The following GCC2 variants were observed in gnomAD, a reference collection of about 807,000 sequenced individuals.
The protein encoded by GCC2 is GRIP and coiled-coil domain-containing protein 2.
In GCC2, 120 loss-of-function variants were observed where a neutral mutation model predicts 210.6. That is an observed-to-expected ratio of 0.57 (90% CI 0.49 to 0.66). GCC2 has a LOEUF of 0.66. Among genes scored for constraint, GCC2 ranks in the 30% least tolerant of loss-of-function variants. GCC2 has a pLI of 0.00. For missense variants in GCC2, 1,868 were observed against 1,871.9 expected (o/e 1.00, Z 0.04); for synonymous variants, 703 against 652.7 (o/e 1.08, Z -1.17).
Position 108,472,086 on chromosome 2 carries a change from A to G in GCC2, c.2757A>G (p.Arg919=). 6.4e-7 allele frequency: 1 copy of G among 1,560,268 alleles called. No individual in the cohort carries two copies. Among genetic ancestry groups the G allele is most frequent in the Non-Finnish European group, 8.6e-7 (1 of 1,162,158 alleles). The part of the protein sequence containing the change: ...LKPLLEQKEL[R]DRRAELILLK... ...CACTACTAGAACAAAAAGAATTACG[A>G]GATAGGAGAGCAGAGTTGATACTAT... The change falls in exon 6 of 23, where the codon CGA becomes CGG. Residue 919 remains arginine (R), a synonymous_variant. Coordinates refer to ENST00000309863, the MANE Select transcript of GCC2 (RefSeq NM_181453.4).
At chr2:108,452,976 G>A (rs2465955) in intron 4 of GCC2, among the ~76,000 whole-genome samples, 29,511 of 152,122 alleles carry the variant, frequency 0.19, 3,190 homozygotes, top group African/African-American at 0.27. Context: ...ACAGGCGTGA[G>A]CCACCACGCC....
intron 3 of GCC2, among the ~76,000 whole-genome samples, chr2:108,451,906 C>A (rs1230701268): frequency 6.8e-6 from 1 of 147,574 alleles, no homozygotes; most frequent in East Asian, 2.0e-4. Flanking sequence ...TGCAGTGGCG[C>A]AATCTCGGCT....
At chr2:108,483,040 T>G in intron 11 of GCC2, 22 bp from the exon 12 acceptor site, 3 of 1,246,930 alleles carry the variant, frequency 2.4e-6, no homozygotes, top group Non-Finnish European at 2.4e-6. Flanking sequence ...GTGGTGTGGG[T>G]TGTTTTTATT....
At chr2:108,456,837 T>A (rs1428098481) in intron 4 of GCC2, among the ~76,000 whole-genome samples, 1 of 152,050 alleles carries the variant, frequency 6.6e-6, no homozygotes, top group Non-Finnish European at 1.5e-5. Context: ...TAGTCCCATC[T>A]TCTTGGGATG....
chr2:108,498,178 A>ATTTTTTTTTTTTT (rs1682737796), intron 21 of GCC2, among the ~76,000 whole-genome samples: 1 of 64,838 alleles, frequency 1.5e-5, no homozygotes, highest in Non-Finnish European at 3.2e-5. Flanking sequence ...TAAATGTTAT[A>ATTTTTTTTTTTTT]TTTTCTTTTT....
In GCC2 at chr2:108,471,859, A is replaced by T. The variant is rs1387071496; in HGVS notation, c.2530A>T (p.Arg844Trp). Reference protein sequence around the residue: ...RDYEQEKVLLRKELEEIQSEK... With the variant: ...RDYEQEKVLLWKELEEIQSEK... Reference sequence around the variant, plus strand: ...CTATGAGCAAGAGAAAGTTCTCTTAAGGAAAGAGTTAGAAGAAATACAGTC... The same window carrying T: ...CTATGAGCAAGAGAAAGTTCTCTTATGGAAAGAGTTAGAAGAAATACAGTC... Residue 844 changes from arginine to tryptophan, a missense_variant, in exon 6 of 23, where the codon AGG becomes TGG. This residue lies in a region of GCC2 where 1,847 missense variants were observed against 1,765.2 expected (regional missense o/e 1.05). Transcript: ENST00000309863. The T allele has an allele frequency of 6.2e-7, 1 of 1,613,200 alleles. No individual in the cohort carries two copies. The highest frequency in any genetic ancestry group is 1.1e-5 in the South Asian group (1 of 90,934).
Position 108,471,761 on chromosome 2 carries a change from TAGAA to T in GCC2, c.2434_2437del (p.Glu812LysfsTer11). The stretch of plus-strand genomic sequence containing the variant: ...CAGCGTGATGAAAAAGTATTAGAGT[TAGAA>T]AAAGAGATTAAGTGCCTTCAAGAAG... On this transcript the variant is annotated frameshift_variant, in exon 6 of 23. Transcript: ENST00000309863. LOFTEE classifies it high-confidence loss of function. 6.2e-7 allele frequency: 1 copy of T among 1,613,050 alleles called. No homozygotes were observed. Among genetic ancestry groups the T allele is most frequent in the Non-Finnish European group, 8.5e-7 (1 of 1,179,602 alleles).
rs770271101 is a variant in GCC2 at position 108,471,230 on chromosome 2, C to T, written c.1901C>T (p.Thr634Ile). 9.3e-6 allele frequency: 15 copies of T among 1,605,784 alleles called. No individual in the cohort carries two copies. The East Asian group carries it at 2.9e-4, about 31-fold the overall frequency. ...GAACTTGGGAAGAAAGTAGAGCAAA[C>T]AATCCAGTACAACAGTGAACTAGAA... ...ILELGKKVEQ[T>I]IQYNSELEQK... is the part of the protein sequence containing the mutation. Residue 634 changes from threonine to isoleucine, a missense_variant, in exon 6 of 23, where the codon ACA (threonine) becomes ATA (isoleucine). This residue lies in a region of GCC2 where 1,847 missense variants were observed against 1,765.2 expected (regional missense o/e 1.05). Coordinates refer to ENST00000309863, the MANE Select transcript of GCC2 (RefSeq NM_181453.4).
chr2:108,487,923 T>TG, intron 17 of GCC2, 103 bp downstream of exon 17: 1 of 901,032 alleles, frequency 1.1e-6, no homozygotes, highest in Non-Finnish European at 1.6e-6. Context: ...TTTTTTTTTT[T>TG]GAGACAGACT....
At chr2:108,483,021 A>ATTGG (rs1558749723) in intron 11 of GCC2, 41 bp from the exon 12 acceptor site, 1 of 1,015,142 alleles carries the variant, frequency 9.9e-7, no homozygotes, top group Non-Finnish European at 1.6e-6. Flanking sequence ...CCTTTTTAAT[A>ATTGG]TTGGTTGGGT....
chr2:108,482,090 C>T (rs1364359807), intron 10 of GCC2, among the ~76,000 whole-genome samples, 197 bp from the exon 11 acceptor site: 1 of 152,130 alleles, frequency 6.6e-6, no homozygotes, highest in Non-Finnish European at 1.5e-5. Context: ...TGCACCTGGT[C>T]TCTTGTAAGG....
rs188635872 is a variant in GCC2 at position 108,482,268 on chromosome 2, G to T, written c.3181-19G>T. ...ATGTTTTTTGCATGTTTATAGTAAT[G>T]AATCATTTGTCATTTCAGTGTGAAA... is the stretch of plus-strand genomic sequence containing the variant. On this transcript the variant is annotated intron_variant, in intron 10 of 22. Transcript: ENST00000309863. The T allele has an allele frequency of 2.4e-3, 3,524 of 1,489,164 alleles. 5 individuals are homozygous for T. The highest frequency in any genetic ancestry group is 3.0e-3 in the Non-Finnish European group (3,268 of 1,083,834). The allele number at this position is 1,489,164 out of a possible 1,614,324, so 92.2% of individuals were successfully genotyped here. A position where few individuals can be genotyped will look rare whatever the true frequency, so the allele number is the denominator to read the frequency against.
chr2:108,482,465 T>A lies in GCC2; in HGVS notation c.3345+14T>A, dbSNP rs1313953416. 1 of 1,332,596 alleles carries A rather than the reference T, an allele frequency of 7.5e-7. No homozygotes were observed. The highest frequency in any genetic ancestry group is 1.1e-6 in the Non-Finnish European group (1 of 938,172). 82.5% of individuals were successfully genotyped at this position (1,332,596 alleles called of 1,614,324 possible). ...CAGAAGATAAAGGTAAAAACAATCCTATGAGATTGATTCACATATATATGA... is the reference window on the plus strand; with the variant it reads ...CAGAAGATAAAGGTAAAAACAATCCAATGAGATTGATTCACATATATATGA... On this transcript the variant is annotated intron_variant, in intron 11 of 22. Transcript: ENST00000309863.
intron 22 of GCC2, among the ~76,000 whole-genome samples, chr2:108,507,263 C>T (rs893653868): frequency 4.6e-5 from 7 of 151,914 alleles, no homozygotes; most frequent in Admixed American, 1.3e-4. Flanking sequence ...CATGGTGGCA[C>T]ACACCTTGTG....
chr2:108,472,697 G>C, intron 6 of GCC2, 130 bp from the exon 7 acceptor site: 1 of 618,754 alleles, frequency 1.6e-6, no homozygotes, highest in Non-Finnish European at 2.8e-6. Flanking sequence ...TGACCAAATT[G>C]GTTTCTGTAG....
At chr2:108,449,913 T>C in intron 2 of GCC2, 1 of 543,926 alleles carries the variant, frequency 1.8e-6, no homozygotes, top group Non-Finnish European at 3.3e-6. Context: ...TTAGCACTGC[T>C]GGGAGATCCT....
Position 108,498,183 on chromosome 2 carries a change from C to CTTTTTTTT in GCC2, c.4782+1097_4782+1104dup, listed in dbSNP as rs3084885. Among the ~76,000 whole-genome samples the CTTTTTTTT allele has an allele frequency of 1.9e-3, 109 of 57,492 alleles. 9 individuals are homozygous for CTTTTTTTT. The highest frequency in any genetic ancestry group is 0.014 in the Middle Eastern group (1 of 70). The allele number at this position is 57,492 out of a possible 152,430, so 37.7% of individuals were successfully genotyped here. ...ATGACTTATTTAAATGTTATATTTT[C>CTTTTTTTT]TTTTTTTTTTTTTTTTTTTTTTTTT... On this transcript the variant is annotated intron_variant, in intron 21 of 22. Transcript: ENST00000309863.
Position 108,508,261 on chromosome 2 carries a change from A to G in GCC2, c.*631A>G, listed in dbSNP as rs891268742. On this transcript the variant is annotated 3_prime_UTR_variant, in exon 23 of 23. Coordinates refer to ENST00000309863, the MANE Select transcript of GCC2 (RefSeq NM_181453.4). Reference sequence around the variant, plus strand: ...TTTGTGATTAGAATATGAAGGAAAAAGCTTTGTTGGTAAAAGTGACATGTT... The same window carrying G: ...TTTGTGATTAGAATATGAAGGAAAAGGCTTTGTTGGTAAAAGTGACATGTT... 10 of 149,798 alleles carry G rather than the reference A, an allele frequency of 6.7e-5. No individual in the cohort carries two copies. Among genetic ancestry groups the G allele is most frequent in the African/African-American group, 9.8e-5 (4 of 40,980 alleles). The allele number at this position is 149,798 out of a possible 1,614,324, so 9.3% of individuals were successfully genotyped here. A position where few individuals can be genotyped will look rare whatever the true frequency, so the allele number is the denominator to read the frequency against.
intron 4 of GCC2, among the ~76,000 whole-genome samples, chr2:108,457,149 G>A (rs1490947505): frequency 2.0e-5 from 3 of 151,820 alleles, no homozygotes. Context: ...TATTTTTGTT[G>A]ATATTTGTAT....
Sources: gnomAD v4.1 joint callset for allele counts (sites outside exome capture counted in the v4.1 genomes callset) on GRCh38, gnomAD v4.1.1 for gene constraint, gnomAD v4.1.1 regional missense constraint, MANE v1.5 for transcripts, NCBI Gene and HGNC (gene_info 2026-07-23, HGNC 2026-07-21) for gene names.